Variants in VPS13A observed in about 807,000 individuals in gnomAD.
VPS13A encodes vacuolar protein sorting 13 homolog A.
Under a neutral mutation model 390.9 loss-of-function variants are expected in VPS13A, and 264 were observed. The observed-to-expected ratio is 0.68, with a 90% CI of 0.61 to 0.75. The LOEUF is 0.75. Among genes scored for constraint, VPS13A ranks in the 30% least tolerant of loss-of-function variants. VPS13A has a pLI of 0.00. For missense variants in VPS13A, 3,409 were observed against 3,733.9 expected, an observed-to-expected ratio of 0.91 and a Z score of 2.27; for synonymous variants, 1,231 against 1,227.1, an observed-to-expected ratio of 1.00 and a Z score of -0.07.
intron 22 of VPS13A, among the ~76,000 whole-genome samples, chr9:77,254,958 C>T (rs781493483): frequency 6.6e-6 from 1 of 152,056 alleles, no homozygotes; most frequent in Non-Finnish European, 1.5e-5. Flanking sequence ...ATTTTTTTCC[C>T]TTTCTGATAT....
chr9:77,273,587 A>G (rs1826478047), intron 24 of VPS13A, among the ~76,000 whole-genome samples: 1 of 152,192 alleles, frequency 6.6e-6, no homozygotes, highest in South Asian at 2.1e-4. Flanking sequence ...AAGCTCAGGA[A>G]TGAGTAACTC....
rs764280036 is a variant in VPS13A, at chr9:77,370,931, C to T, written c.8949C>T (p.Ile2983=). ...SGITGIVTKP[I]KGAQKGGAAG... ...TAACAGGAATTGTTACAAAACCAAT[C>T]AAAGGCAAGTATAGTAGTTCCTTTG... is the stretch of plus-strand genomic sequence containing the variant. Residue 2983 remains isoleucine (I), a synonymous_variant, in exon 66 of 72, where the codon ATC becomes ATT. Transcript: ENST00000360280. 6.2e-7 allele frequency: 1 copy of T among 1,613,968 alleles called. No individual in the cohort carries two copies. The highest frequency in any genetic ancestry group is 1.7e-4 in the Middle Eastern group (1 of 5,960).
chr9:77,373,744 A>G (rs1293994256), intron 67 of VPS13A, among the ~76,000 whole-genome samples: 2 of 151,456 alleles, frequency 1.3e-5, no homozygotes, highest in East Asian at 1.9e-4. Context: ...TCATCTGACA[A>G]AGGGCTAATA....
At chr9:77,279,180 T>C (rs1182589133) in intron 26 of VPS13A, among the ~76,000 whole-genome samples, 1 of 152,132 alleles carries the variant, frequency 6.6e-6, no homozygotes, top group Non-Finnish European at 1.5e-5. Context: ...TTGGATGACA[T>C]GTGGGCTGGA....
intron 27 of VPS13A, among the ~76,000 whole-genome samples, chr9:77,280,953 A>T (rs1040507967): frequency 6.6e-6 from 1 of 152,290 alleles, no homozygotes; most frequent in East Asian, 1.9e-4. Flanking sequence ...TCAGCTTTAA[A>T]AAAGGGGGGG....
rs548384104 is a variant in VPS13A, at chr9:77,286,182, G to A, written c.3339+2532G>A. ...TTTTTTATGTTAGAAGCTATTTGTTGTTATTTCCTGTAATTTGGTCTTGAA... is the reference window on the plus strand; with the variant it reads ...TTTTTTATGTTAGAAGCTATTTGTTATTATTTCCTGTAATTTGGTCTTGAA... On this transcript the variant is annotated intron_variant, in intron 31 of 71. Transcript: ENST00000360280. Among the ~76,000 whole-genome samples the A allele has an allele frequency of 7.2e-5, 11 of 152,092 alleles. No individual in the cohort carries two copies. In the South Asian group the frequency reaches 1.0e-3, roughly 14 times the overall value.
intron 20 of VPS13A, 104 bp from the exon 21 acceptor site, chr9:77,249,993 A>G (rs1373388716): frequency 3.8e-6 from 5 of 1,308,450 alleles, no homozygotes; most frequent in Middle Eastern, 5.1e-4. Context: ...TTACTTGTGA[A>G]TTTATCCTCT....
chr9:77,291,694 C>T (rs55680147), intron 31 of VPS13A, among the ~76,000 whole-genome samples: 1 of 152,130 alleles, frequency 6.6e-6, no homozygotes, highest in Admixed American at 6.5e-5. Flanking sequence ...TTAGAGGCTC[C>T]TGCTGCTTGT....
At chr9:77,213,092 T>G in intron 8 of VPS13A, 64 bp downstream of exon 8, 1 of 1,581,674 alleles carries the variant, frequency 6.3e-7, no homozygotes, top group Non-Finnish European at 8.7e-7. Flanking sequence ...CAAATGATAA[T>G]ATATAGATAA....
chr9:77,384,581 A>G (rs1288335142), intron 68 of VPS13A: 1 of 1,611,584 alleles, frequency 6.2e-7, no homozygotes, highest in Non-Finnish European at 8.5e-7. Context: ...TGCCATGCTT[A>G]CAGAAAATTC....
Position 77,358,443 on chromosome 9 carries a change from GTTTTTA to G in VPS13A, c.8035+12_8035+17del, listed in dbSNP as rs1438384695. The G allele has an allele frequency of 6.2e-7, 1 of 1,610,134 alleles. No homozygotes were observed. Among genetic ancestry groups the G allele is most frequent in the African/African-American group, 1.3e-5 (1 of 74,756 alleles). On this transcript the variant is annotated splice_donor_region_variant and intron_variant, in intron 57 of 71. Coordinates refer to ENST00000360280, the MANE Select transcript of VPS13A (RefSeq NM_033305.3). ...AGTCGGTCACCATGGATTCAGGTTT[GTTTTTA>G]TTTTTAGATTTCCATAAAAGCAGTT...
At chr9:77,225,172 A>G (rs1446630541) in intron 13 of VPS13A, among the ~76,000 whole-genome samples, 1 of 152,172 alleles carries the variant, frequency 6.6e-6, no homozygotes. Flanking sequence ...TACTGTGGTG[A>G]TCTGGAACTG....
At position 77,345,150 on chromosome 9, in the gene VPS13A, T is replaced by G; in HGVS notation, c.7289+8T>G. 6.2e-7 allele frequency: 1 copy of G among 1,612,406 alleles called. No homozygotes were observed. Among genetic ancestry groups the G allele is most frequent in the Non-Finnish European group, 8.5e-7 (1 of 1,179,476 alleles). ...TGTTCAATACAATCAAAGGTAAGAT[T>G]ATCACAAATACAGTAACTCTTGATG... On this transcript the variant is annotated splice_region_variant and intron_variant, in intron 52 of 71. Transcript: ENST00000360280.
chr9:77,281,503 A>C (rs533833488), intron 27 of VPS13A, among the ~76,000 whole-genome samples: 30 of 152,262 alleles, frequency 2.0e-4, no homozygotes, highest in African/African-American at 7.2e-4. Flanking sequence ...CAATTCTGTC[A>C]CAAATTTTGT....
chr9:77,287,380 A>T (rs1257076944), intron 31 of VPS13A, among the ~76,000 whole-genome samples: 1 of 151,482 alleles, frequency 6.6e-6, no homozygotes, highest in African/African-American at 2.4e-5. Flanking sequence ...TTTTGTAGAG[A>T]TGGGGTTTCA....
intron 1 of VPS13A, among the ~76,000 whole-genome samples, chr9:77,194,534 G>T (rs997394998): frequency 6.6e-6 from 1 of 152,118 alleles, no homozygotes; most frequent in Non-Finnish European, 1.5e-5. Context: ...GGCCTTCTGG[G>T]CTCCGTGCAG....
intron 17 of VPS13A, among the ~76,000 whole-genome samples, chr9:77,233,052 A>T (rs551242226): frequency 1.3e-5 from 2 of 152,236 alleles, no homozygotes; most frequent in Non-Finnish European, 2.9e-5. Flanking sequence ...TCTGTAGGTT[A>T]CAGTAAAGTT....
intron 26 of VPS13A, among the ~76,000 whole-genome samples, chr9:77,279,334 A>T (rs565741720): frequency 2.0e-4 from 31 of 152,040 alleles, no homozygotes; most frequent in Non-Finnish European, 1.0e-4. Flanking sequence ...GACAGCCCCT[A>T]GTTGAACTAC....
chr9:77,337,491 T>C lies in VPS13A; in HGVS notation c.6332T>C (p.Ile2111Thr). The C allele has an allele frequency of 6.2e-7, 1 of 1,613,410 alleles. No homozygotes were observed. Among genetic ancestry groups the C allele is most frequent in the Non-Finnish European group, 8.5e-7 (1 of 1,179,664 alleles). ...LPYIMHLWPPILLRNLLPYKI... is the reference protein window; with the variant it reads ...LPYIMHLWPPTLLRNLLPYKI... The stretch of plus-strand genomic sequence containing the variant: ...TACATAATGCATTTGTGGCCACCTA[T>C]CCTGCTCCGAAATCTTCTTCCTTAC... The change falls in exon 47 of 72, where the codon ATC (isoleucine) becomes ACC (threonine). Residue 2111 changes from isoleucine to threonine, a missense_variant. Around this residue, in one of 5 missense-constraint regions of VPS13A, gnomAD observed 2,717 missense variants for 2,917.4 expected, o/e 0.93. Coordinates refer to ENST00000360280, the MANE Select transcript of VPS13A (RefSeq NM_033305.3).
Sources: gnomAD v4.1 joint callset for allele counts (sites outside exome capture counted in the v4.1 genomes callset) on GRCh38, gnomAD v4.1.1 for gene constraint, gnomAD v4.1.1 regional missense constraint, MANE v1.5 for transcripts, NCBI Gene and HGNC (gene_info 2026-07-23, HGNC 2026-07-21) for gene names.